The following REV1 variants were observed in gnomAD, a reference collection of about 807,000 sequenced individuals.
REV1 encodes the protein translesion synthesis protein REV1.
A neutral mutation model predicts 137.4 loss-of-function variants in REV1; 42 were observed. That is an observed-to-expected ratio of 0.31 (90% CI 0.24 to 0.40). The LOEUF (loss-of-function observed/expected upper bound fraction) is 0.40, where lower values mean the gene tolerates loss of function less well. REV1 is among the 10% of genes least tolerant of loss of function. The probability of loss-of-function intolerance (pLI) is 1.00; values close to 1 mark genes in which losing one functional copy is unlikely to be tolerated. For missense variants in REV1, 1,282 were observed against 1,490.1 expected (o/e 0.86, Z 2.30); for synonymous variants, 524 against 519.2 (o/e 1.01, Z -0.12).
rs1183729831 is a variant in REV1, at chr2:99,401,172, G to A, written c.*69C>T. Reference sequence around the variant, plus strand: ...TAAAAACTCCGAGCATTACTATCATGCACTTTGCAAATACCTCACAAGCAC... The same window carrying A: ...TAAAAACTCCGAGCATTACTATCATACACTTTGCAAATACCTCACAAGCAC... On this transcript the variant is annotated 3_prime_UTR_variant, in exon 23 of 23. Transcript: ENST00000258428. 8 of 889,102 alleles carry A rather than the reference G, an allele frequency of 9.0e-6. No homozygotes were observed. The Admixed American group carries it at 1.5e-4, about 16-fold the overall frequency. The allele number at this position is 889,102 out of a possible 1,614,324, so 55.1% of individuals were successfully genotyped here.
chr2:99,410,311 T>C (rs1676959652), intron 14 of REV1, among the ~76,000 whole-genome samples: 1 of 152,032 alleles, frequency 6.6e-6, no homozygotes, highest in South Asian at 2.1e-4. Flanking sequence ...ACACCTGGCC[T>C]GTATCATTGT....
At chr2:99,441,465 A>G (rs1681481925) in intron 5 of REV1, among the ~76,000 whole-genome samples, 1 of 152,134 alleles carries the variant, frequency 6.6e-6, no homozygotes. Context: ...AAAAGCTTAA[A>G]TTAAAAAAAA....
At chr2:99,475,624 T>G (rs958217101) in intron 1 of REV1, among the ~76,000 whole-genome samples, 1 of 152,126 alleles carries the variant, frequency 6.6e-6, no homozygotes, top group Non-Finnish European at 1.5e-5. Context: ...GAGGCAGAGA[T>G]TGCAGTGAGC....
chr2:99,436,546 G>T (rs1239773974), intron 6 of REV1: 1 of 152,592 alleles, frequency 6.6e-6, no homozygotes, highest in Non-Finnish European at 1.5e-5. Context: ...TCTATAAAAT[G>T]TAAATCTGTA....
At chr2:99,483,533 C>A (rs1335115152) in intron 1 of REV1, among the ~76,000 whole-genome samples, 8 of 152,162 alleles carry the variant, frequency 5.3e-5, no homozygotes, top group Non-Finnish European at 1.5e-5. Flanking sequence ...TGGGACCCGA[C>A]TAGTCTTTAA....
intron 3 of REV1, among the ~76,000 whole-genome samples, chr2:99,453,551 C>T (rs1005041947): frequency 2.6e-5 from 4 of 152,066 alleles, no homozygotes; most frequent in African/African-American, 9.7e-5. Flanking sequence ...TCAGTATATA[C>T]TCCTTCAAGA....
Position 99,438,969 on chromosome 2 carries a change from C to A in REV1, c.845G>T (p.Ser282Ile), listed in dbSNP as rs755435304. The change falls in exon 6 of 23, where the codon AGC (serine) becomes ATC (isoleucine). Residue 282 changes from serine (S) to isoleucine (I), a missense_variant. By Grantham distance (142) the Ser-to-Ile change is moderately radical. Transcript: ENST00000258428. ...RDCTLQQLQQ[S>I]TRNTDALRNP... ...CCGCAAAGCATCTGTGTTTCTGGTGCTTTGCTGCAACTGCTGCAGAGTGCA... is the reference window on the plus strand; with the variant it reads ...CCGCAAAGCATCTGTGTTTCTGGTGATTTGCTGCAACTGCTGCAGAGTGCA... 41 of 1,614,050 alleles carry A rather than the reference C, an allele frequency of 2.5e-5. No individual in the cohort carries two copies. Among genetic ancestry groups the A allele is most frequent in the Non-Finnish European group, 3.2e-5 (38 of 1,180,042 alleles).
intron 3 of REV1, among the ~76,000 whole-genome samples, chr2:99,462,122 CA>C (rs1169302826): frequency 2.0e-5 from 3 of 152,166 alleles, no homozygotes; most frequent in East Asian, 3.9e-4. Context: ...GGAAATCTGA[CA>C]CTGACACACA....
intron 12 of REV1, among the ~76,000 whole-genome samples, chr2:99,413,972 G>A (rs931260999): frequency 6.6e-6 from 1 of 152,090 alleles, no homozygotes; most frequent in South Asian, 2.1e-4. Flanking sequence ...ATGGGCAACT[G>A]AGGTAGACCG....
chr2:99,425,322 T>C (rs1679198801), intron 9 of REV1, among the ~76,000 whole-genome samples: 1 of 152,128 alleles, frequency 6.6e-6, no homozygotes, highest in African/African-American at 2.4e-5. Context: ...TTTATGTTTA[T>C]AAAAATAGTA....
intron 1 of REV1, among the ~76,000 whole-genome samples, chr2:99,470,126 A>C (rs1050287848): frequency 1.3e-5 from 2 of 152,136 alleles, no homozygotes; most frequent in Admixed American, 6.5e-5. Flanking sequence ...ATCTCAAAAA[A>C]AAAAAAAAGA....
In REV1 at chr2:99,404,510, T is replaced by C. The variant is rs754471682; in HGVS notation, c.2979A>G (p.Ile993Met). Residue 993 changes from isoleucine to methionine, a missense_variant, in exon 18 of 23, where the codon ATA becomes ATG. By Grantham distance (10) the Ile-to-Met change is conservative. Around this residue, in one of 7 missense-constraint regions of REV1, gnomAD observed 135 missense variants for 123.3 expected, o/e 1.10. Transcript: ENST00000258428. ...CACTGTTCGATTCTTGAGGTTCTGG[T>C]ATTTGCAACAAGACTGTCCCAACTG... ...PQPVGTVLLQ[I>M]PEPQESNSDA... 2.5e-6 allele frequency: 4 copies of C among 1,614,214 alleles called. No individual in the cohort carries two copies. In the South Asian group the frequency reaches 3.3e-5, roughly 13 times the overall value.
At chr2:99,403,203 G>A (rs1183045057) in intron 19 of REV1, 97 bp from the exon 20 acceptor site, 27 of 1,030,546 alleles carry the variant, frequency 2.6e-5, no homozygotes, top group Non-Finnish European at 3.4e-5. Flanking sequence ...AATACAACAG[G>A]CTCCCTAGCC....
At chr2:99,409,914 C>T (rs1676901056) in intron 14 of REV1, among the ~76,000 whole-genome samples, 1 of 137,008 alleles carries the variant, frequency 7.3e-6, no homozygotes, top group Non-Finnish European at 1.5e-5. Flanking sequence ...TCAGACATTA[C>T]AGTGATTCAT....
At position 99,487,251 on chromosome 2, in the gene REV1, G is replaced by GGATT. The variant is rs377674533; in HGVS notation, c.-11+2565_-11+2566insAATC. ...TAGAAGCTGGCAGCTGCCAAATCAT[G>GGATT]CTATGCCCTGATGGCGACTAAGATT... On this transcript the variant is annotated intron_variant, in intron 1 of 22. Transcript: ENST00000258428. 1.8e-3 allele frequency among the ~76,000 whole-genome samples: 221 copies of GGATT among 125,286 alleles called. 6 individuals carry two copies. Among genetic ancestry groups the GGATT allele is most frequent in the Middle Eastern group, 4.4e-3 (1 of 228 alleles). The allele number at this position is 125,286 out of a possible 152,430, so 82.2% of individuals were successfully genotyped here. A position where few individuals can be genotyped will look rare whatever the true frequency, so the allele number is the denominator to read the frequency against.
At chr2:99,465,639 T>C (rs1419412201) in intron 1 of REV1, among the ~76,000 whole-genome samples, 3 of 152,200 alleles carry the variant, frequency 2.0e-5, no homozygotes, top group Non-Finnish European at 4.4e-5. Flanking sequence ...TAGCAAAATA[T>C]ATAATTCATA....
chr2:99,463,100 T>C (rs1684413526), intron 2 of REV1, among the ~76,000 whole-genome samples: 1 of 151,818 alleles, frequency 6.6e-6, no homozygotes. Flanking sequence ...AAAAAAATTA[T>C]AATAAATAAA....
chr2:99,404,416 C>A, intron 18 of REV1, 28 bp downstream of exon 18: 1 of 1,549,000 alleles, frequency 6.5e-7, no homozygotes, highest in South Asian at 1.1e-5. Flanking sequence ...ATTGAAACTA[C>A]AGCAGAGGGT....
intron 5 of REV1, among the ~76,000 whole-genome samples, chr2:99,440,115 G>A (rs1208814933): frequency 6.6e-6 from 1 of 152,142 alleles, no homozygotes; most frequent in Non-Finnish European, 1.5e-5. Context: ...AAGGCAATCT[G>A]GACCAAGTTT....
Sources: gnomAD v4.1 joint callset for allele counts (sites outside exome capture counted in the v4.1 genomes callset) on GRCh38, gnomAD v4.1.1 for gene constraint, gnomAD v4.1.1 regional missense constraint, MANE v1.5 for transcripts, NCBI Gene and HGNC (gene_info 2026-07-23, HGNC 2026-07-21) for gene names.